Variants in KLHL33 observed in about 807,000 individuals in gnomAD.
The protein encoded by KLHL33 is kelch like family member 33, also known as kelch-like protein 33.
Under a neutral mutation model 60.8 loss-of-function variants are expected in KLHL33, and 46 were observed. The observed-to-expected ratio is 0.76, with a 90% CI of 0.60 to 0.97. The LOEUF is 0.97. Among genes scored for constraint, KLHL33 ranks in the 50% least tolerant of loss-of-function variants. The pLI, the probability that KLHL33 is intolerant of heterozygous loss-of-function variation, is 0.00. For synonymous variants in KLHL33, 434 were observed against 432.2 expected, an observed-to-expected ratio of 1.00 and a Z score of -0.05; for missense variants, 1,055 against 1,000.0, an observed-to-expected ratio of 1.05 and a Z score of -0.74.
chr14:20,433,803 G>A (rs965564727), intron 2 of KLHL33, among the ~76,000 whole-genome samples: 2 of 152,152 alleles, frequency 1.3e-5, no homozygotes, highest in Admixed American at 6.5e-5. Context: ...ATAGACTTTT[G>A]GAGTGGTTTT....
In KLHL33 at chr14:20,427,213, A is replaced by G. The variant is rs1411610111; in HGVS notation, c.*1636T>C. The G allele has an allele frequency of 6.6e-6, 1 of 151,430 alleles. No homozygotes were observed. The highest frequency in any genetic ancestry group is 1.5e-5 in the Non-Finnish European group (1 of 67,872). The allele number at this position is 151,430 out of a possible 1,614,324, so 9.4% of individuals were successfully genotyped here. Reference sequence around the variant, plus strand: ...ATAAAATAAAATAAATTAAAAAAAAAAAAAGAAAAAGAAAATTGACCTAAA... The same window carrying G: ...ATAAAATAAAATAAATTAAAAAAAAGAAAAGAAAAAGAAAATTGACCTAAA... On this transcript the variant is annotated 3_prime_UTR_variant, in exon 5 of 5. Transcript: ENST00000636854.
chr14:20,434,662 G>A (rs1456559299), intron 2 of KLHL33, among the ~76,000 whole-genome samples: 1 of 152,176 alleles, frequency 6.6e-6, no homozygotes, highest in Non-Finnish European at 1.5e-5. Context: ...AGCACACATT[G>A]AGTTTTCCAC....
chr14:20,430,000 T>G lies in KLHL33; in HGVS notation c.1468A>C (p.Arg490=). 1 of 1,551,726 alleles carries G rather than the reference T, an allele frequency of 6.4e-7. No individual in the cohort carries two copies. The highest frequency in any genetic ancestry group is 1.2e-5 in the South Asian group (1 of 84,064). The part of the protein sequence containing the change: ...GDGLRPDMAL[R]QPSRAVWWAR... ...CACCACACTGCTCGGGATGGTTGTC[T>G]TAGGGCCATGTCTGGTCTGAGCCCA... Residue 490 remains arginine, a synonymous_variant, in exon 3 of 5, where the codon AGA becomes CGA. Transcript: ENST00000636854.
At chr14:20,434,596 G>T (rs1880623937) in intron 2 of KLHL33, among the ~76,000 whole-genome samples, 1 of 151,384 alleles carries the variant, frequency 6.6e-6, no homozygotes, top group African/African-American at 2.4e-5. Flanking sequence ...ACCAGACCTT[G>T]CTCATTAGCT....
chr14:20,434,847 G>A (rs1024479186), intron 2 of KLHL33, among the ~76,000 whole-genome samples: 1 of 152,164 alleles, frequency 6.6e-6, no homozygotes, highest in Non-Finnish European at 1.5e-5. Context: ...GCCAGACAGA[G>A]GGTCAGTTTA....
At position 20,430,272 on chromosome 14, in the gene KLHL33, T is replaced by A; in HGVS notation, c.1196A>T (p.Glu399Val). 6.4e-7 allele frequency: 1 copy of A among 1,551,720 alleles called. No individual in the cohort carries two copies. The highest frequency in any genetic ancestry group is 8.7e-7 in the Non-Finnish European group (1 of 1,146,990). The change falls in exon 3 of 5, where the codon GAG (glutamate) becomes GTG (valine). Residue 399 changes from glutamate to valine, a missense_variant. By Grantham distance (121) the Glu-to-Val change is moderately radical (BLOSUM62 -2). Transcript: ENST00000636854. ...SDELHVQEEF[E>V]AFVAARCWLA... ...CCAACACCGTGCAGCCACAAAGGCC[T>A]CAAACTCCTCCTGCACATGGAGCTC...
At position 20,429,915 on chromosome 14, in the gene KLHL33, G is replaced by C; in HGVS notation, c.1553C>G (p.Pro518Arg). 1 of 1,551,824 alleles carries C rather than the reference G, an allele frequency of 6.4e-7. No individual in the cohort carries two copies. Among genetic ancestry groups the C allele is most frequent in the Non-Finnish European group, 8.7e-7 (1 of 1,147,048 alleles). Reference protein sequence around the residue: ...LVRTVEWGQLPALPAPGRFRH... With the variant: ...LVRTVEWGQLRALPAPGRFRH... ...GAAGCGTCCGGGGGCAGGCAGGGCA[G>C]GCAGCTGCCCCCACTCAACAGTTCG... Residue 518 changes from proline to arginine, a missense_variant, in exon 3 of 5, where the codon CCT (proline) becomes CGT (arginine). Transcript: ENST00000636854.
chr14:20,435,940 CCCT>C (rs1166555874), intron 1 of KLHL33, 110 bp from the exon 2 acceptor site: 52 of 729,498 alleles, frequency 7.1e-5, no homozygotes, highest in Non-Finnish European at 9.2e-5. Flanking sequence ...TGCTCCAACA[CCCT>C]CCTCCTACCC....
chr14:20,435,704 G>C lies in KLHL33; in HGVS notation c.108C>G (p.Ser36=). The C allele has an allele frequency of 8.1e-7, 1 of 1,234,850 alleles. No homozygotes were observed. The highest frequency in any genetic ancestry group is 1.0e-6 in the Non-Finnish European group (1 of 988,500). The allele number at this position is 1,234,850 out of a possible 1,614,324, so 76.5% of individuals were successfully genotyped here. A position where few individuals can be genotyped will look rare whatever the true frequency, so the allele number is the denominator to read the frequency against. ...GLLVHAQRTP[S]WPPSPDEDPR... ...GATCCTCGTCGGGGGAGGGAGGCCA[G>C]GAAGGGGTTCTCTGGGCGTGCACAA... Residue 36 remains serine (S), a synonymous_variant, in exon 2 of 5, where the codon TCC becomes TCG. Coordinates refer to ENST00000636854, the MANE Select transcript of KLHL33 (RefSeq NM_001365790.2).
Position 20,428,670 on chromosome 14 carries a change from AG to A in KLHL33, c.*178del. ...TCCCCTTTCCCTATATGTTTTCCCT[AG>A]GAGTTCTGGAACCACCATTTCCTCA... On this transcript the variant is annotated 3_prime_UTR_variant, in exon 5 of 5. Transcript: ENST00000636854. 1.6e-6 allele frequency: 1 copy of A among 624,304 alleles called. No homozygotes were observed. The highest frequency in any genetic ancestry group is 2.7e-6 in the Non-Finnish European group (1 of 365,420). The allele number at this position is 624,304 out of a possible 1,614,324, so 38.7% of individuals were successfully genotyped here.
At position 20,435,105 on chromosome 14, in the gene KLHL33, C is replaced by G; in HGVS notation, c.707G>C (p.Gly236Ala). 8.1e-7 allele frequency: 1 copy of G among 1,234,528 alleles called. No individual in the cohort carries two copies. Among genetic ancestry groups the G allele is most frequent in the Non-Finnish European group, 1.0e-6 (1 of 988,220 alleles). 76.5% of individuals were successfully genotyped at this position (1,234,528 alleles called of 1,614,324 possible). A position where few individuals can be genotyped will look rare whatever the true frequency, so the allele number is the denominator to read the frequency against. ...GIELLYREGV[G>A]CDLKLEAGGC... ...GCCTGCCTCCAGCTTCAAGTCACAC[C>G]CGACGCCCTCTCGGTAGAGGAGCTC... is the stretch of plus-strand genomic sequence containing the variant. Residue 236 changes from glycine to alanine, a missense_variant, in exon 2 of 5, where the codon GGG becomes GCG. Coordinates refer to ENST00000636854, the MANE Select transcript of KLHL33 (RefSeq NM_001365790.2).
In KLHL33 at chr14:20,426,688, G is replaced by A. The variant is rs1485168433; in HGVS notation, c.*2161C>T. 1 of 151,990 alleles carries A rather than the reference G, an allele frequency of 6.6e-6. No homozygotes were observed. The highest frequency in any genetic ancestry group is 1.9e-4 in the East Asian group (1 of 5,184). 9.4% of individuals were successfully genotyped at this position (151,990 alleles called of 1,614,324 possible). ...CCAGCCATCCCATTACTGGGTATAT[G>A]CCCAAAGGAATATAAATCATGCCGC... On this transcript the variant is annotated 3_prime_UTR_variant, in exon 5 of 5. Coordinates refer to ENST00000636854, the MANE Select transcript of KLHL33 (RefSeq NM_001365790.2).
At position 20,428,966 on chromosome 14, in the gene KLHL33, G is replaced by A. The variant is rs936185492; in HGVS notation, c.2277C>T (p.Leu759=). The A allele has an allele frequency of 1.9e-6, 3 of 1,551,574 alleles. No individual in the cohort carries two copies. Among genetic ancestry groups the A allele is most frequent in the African/African-American group, 2.7e-5 (2 of 73,036 alleles). The change falls in exon 5 of 5, where the codon CTC becomes CTT. Residue 759 remains leucine, a synonymous_variant. Coordinates refer to ENST00000636854, the MANE Select transcript of KLHL33 (RefSeq NM_001365790.2). ...HAYCPGLGRW[L]CLGTLPRPRA... ...GAGGCCTTGGCAGAGTTCCCAGGCA[G>A]AGCCATCGGCCCAGGCCAGGACAGT...
intron 2 of KLHL33, among the ~76,000 whole-genome samples, chr14:20,432,958 G>GAAAGAAAGAAAGA (rs1880563262): frequency 6.6e-6 from 1 of 150,820 alleles, no homozygotes; most frequent in East Asian, 1.9e-4. Context: ...AAGAAAGAAA[G>GAAAGAAAGAAAGA]AAAGAAAGAA....
At position 20,429,589 on chromosome 14, in the gene KLHL33, TC is replaced by T. The variant is rs1170359541; in HGVS notation, c.1753del (p.Asp585MetfsTer53). The T allele has an allele frequency of 1.3e-6, 2 of 1,551,934 alleles. No homozygotes were observed. Among genetic ancestry groups the T allele is most frequent in the Non-Finnish European group, 1.7e-6 (2 of 1,147,078 alleles). On this transcript the variant is annotated frameshift_variant, in exon 4 of 5. Transcript: ENST00000636854. LOFTEE classifies it high-confidence loss of function. Reference sequence around the variant, plus strand: ...TCCACCCAGGGCATAAAGTTTTCCATCCAGTGCCACCAAGGAGAAAAGGCTT... The same window carrying T: ...TCCACCCAGGGCATAAAGTTTTCCATCAGTGCCACCAAGGAGAAAAGGCTT... ...ARSLFSLVAL[D>X]GKLYALGGRH...
chr14:20,431,200 G>T (rs1210823667), intron 2 of KLHL33, among the ~76,000 whole-genome samples: 1 of 152,172 alleles, frequency 6.6e-6, no homozygotes, highest in African/African-American at 2.4e-5. Context: ...CAAGAGCCAA[G>T]ACTGTCAGCC....
chr14:20,429,877 C>G lies in KLHL33; in HGVS notation c.1591G>C (p.Ala531Pro). Residue 531 changes from alanine to proline, a missense_variant, in exon 3 of 5, where the codon GCA becomes CCA. Physicochemically the swap from Ala to Pro is conservative, Grantham distance 27 (BLOSUM62 -1). Coordinates refer to ENST00000636854, the MANE Select transcript of KLHL33 (RefSeq NM_001365790.2). ...PAPGRFRHGAASLAGSELYVC... is the reference protein window; with the variant it reads ...PAPGRFRHGAPSLAGSELYVC... ...TAGAGTTCACTTCCTGCCAGGCTTG[C>G]AGCCCCATGCCGGAAGCGTCCGGGG... The G allele has an allele frequency of 6.4e-7, 1 of 1,551,980 alleles. No homozygotes were observed.
intron 2 of KLHL33, among the ~76,000 whole-genome samples, chr14:20,432,371 C>T (rs1253178929): frequency 2.0e-5 from 3 of 151,966 alleles, no homozygotes; most frequent in African/African-American, 7.3e-5. Context: ...CCTCGGCCTC[C>T]CAAAGTGTTG....
Position 20,429,199 on chromosome 14 carries a change from C to G in KLHL33, c.2044G>C (p.Gly682Arg), listed in dbSNP as rs917418594. 2.1e-5 allele frequency: 32 copies of G among 1,551,570 alleles called. No homozygotes were observed. The highest frequency in any genetic ancestry group is 2.7e-5 in the Non-Finnish European group (31 of 1,146,996). ...AGCCCACCTGCCACATACAACCTCC[C>G]ACCCAATGCAGCCATGACATGGCCA... ...RAGHVMAALG[G>R]RLYVAGGLGE... Residue 682 changes from glycine to arginine, a missense_variant, in exon 5 of 5, where the codon GGG becomes CGG. Gly to Arg is a moderately radical substitution (Grantham distance 125, BLOSUM62 -2). Coordinates refer to ENST00000636854, the MANE Select transcript of KLHL33 (RefSeq NM_001365790.2).
Sources: allele counts gnomAD v4.1 joint callset (sites outside exome capture counted in the v4.1 genomes callset), GRCh38; gene constraint gnomAD v4.1.1; transcripts MANE v1.5; gene names NCBI Gene and HGNC (gene_info 2026-07-23, HGNC 2026-07-21).